LYRM9: variants seen among roughly 807,000 people sequenced by gnomAD.
LYRM9 encodes the protein LYR motif containing 9.
A neutral mutation model predicts 12.6 loss-of-function variants in LYRM9; 14 were observed. That is an observed-to-expected ratio of 1.11 (90% CI 0.73 to 1.73). The LOEUF (loss-of-function observed/expected upper bound fraction) is 1.73, where lower values mean the gene tolerates loss of function less well. LYRM9 is among the 40% of genes most tolerant of loss of function. The pLI, the probability that LYRM9 is intolerant of heterozygous loss-of-function variation, is 0.00. For synonymous variants in LYRM9, 42 were observed against 35.1 expected, an observed-to-expected ratio of 1.20 and a Z score of -0.69; for missense variants, 94 against 95.0, an observed-to-expected ratio of 0.99 and a Z score of 0.04.
At chr17:27,889,715 A>C (rs1046654797) in intron 1 of LYRM9, among the ~76,000 whole-genome samples, 45 of 152,244 alleles carry the variant, frequency 3.0e-4, no homozygotes, top group Middle Eastern at 3.4e-3. Flanking sequence ...AATTCAACAA[A>C]ATAAGAGCAC....
At chr17:27,887,891 T>C (rs1366810924) in intron 1 of LYRM9, among the ~76,000 whole-genome samples, 3 of 152,260 alleles carry the variant, frequency 2.0e-5, no homozygotes, top group South Asian at 4.2e-4. Context: ...CAGGAAGAGC[T>C]GATGTCCCAG....
At position 27,879,801 on chromosome 17, in the gene LYRM9, G is replaced by C. The variant is rs1904979063; in HGVS notation, c.220-311C>G. On this transcript the variant is annotated intron_variant, in intron 3 of 3. Transcript: ENST00000379102. Reference sequence around the variant, plus strand: ...AACTCTCTAGGTCCTTCTAATACCAGCATCTAAGGGCCAAGACGCCAGTCT... The same window carrying C: ...AACTCTCTAGGTCCTTCTAATACCACCATCTAAGGGCCAAGACGCCAGTCT... The C allele has an allele frequency of 1.7e-5, 9 of 541,112 alleles. No homozygotes were observed. In the South Asian group the frequency reaches 2.2e-4, roughly 13 times the overall value. 33.5% of individuals were successfully genotyped at this position (541,112 alleles called of 1,614,324 possible).
At chr17:27,879,666 C>G in intron 3 of LYRM9, 176 bp from the exon 4 acceptor site, 1 of 605,682 alleles carries the variant, frequency 1.7e-6, no homozygotes, top group Non-Finnish European at 2.9e-6. Context: ...CATGCCTGGA[C>G]TCCCTTTCTT....
rs529834519 is a variant in LYRM9 at position 27,886,155 on chromosome 17, C to T, written c.-18-3443G>A. Among the ~76,000 whole-genome samples, 6 of 152,126 alleles carry T rather than the reference C, an allele frequency of 3.9e-5. No individual in the cohort carries two copies. The highest frequency in any genetic ancestry group is 7.2e-5 in the African/African-American group (3 of 41,432). On this transcript the variant is annotated intron_variant, in intron 1 of 3. Coordinates refer to ENST00000379102, the MANE Select transcript of LYRM9 (RefSeq NM_001076680.3). This position sits in a 1 kb window ranked among gnomAD's most constrained non-coding sequence, Gnocchi z 4.8. ...ATCAAATATTGTAAAATGCTAGTCG[C>T]GGAACAGATGGTTACCATCTGCAGT...
At chr17:27,884,010 T>C (rs1905155293) in intron 1 of LYRM9, among the ~76,000 whole-genome samples, 1 of 152,056 alleles carries the variant, frequency 6.6e-6, no homozygotes, top group Admixed American at 6.5e-5. Flanking sequence ...CACCAAAATT[T>C]ACCGCATACC....
At position 27,878,880 on chromosome 17, in the gene LYRM9, G is replaced by C. The variant is rs1241675196; in HGVS notation, c.*593C>G. Reference sequence around the variant, plus strand: ...CTACAAGCAGGGACAGGGCAAGCTCGCAAACAAAAAACTGAGACCCGATGC... The same window carrying C: ...CTACAAGCAGGGACAGGGCAAGCTCCCAAACAAAAAACTGAGACCCGATGC... On this transcript the variant is annotated 3_prime_UTR_variant, in exon 4 of 4. Coordinates refer to ENST00000379102, the MANE Select transcript of LYRM9 (RefSeq NM_001076680.3). The C allele has an allele frequency of 6.5e-6, 1 of 152,736 alleles. No individual in the cohort carries two copies. The highest frequency in any genetic ancestry group is 1.5e-5 in the Non-Finnish European group (1 of 68,182). 9.5% of individuals were successfully genotyped at this position (152,736 alleles called of 1,614,324 possible).
At chr17:27,882,988 T>C (rs763868365) in intron 1 of LYRM9, 3 of 536,864 alleles carry the variant, frequency 5.6e-6, no homozygotes, top group Admixed American at 4.5e-5. Flanking sequence ...AAGTGGTGCA[T>C]GAGTAGGTGT....
At position 27,878,640 on chromosome 17, in the gene LYRM9, G is replaced by A. The variant is rs1480217540; in HGVS notation, c.*833C>T. On this transcript the variant is annotated 3_prime_UTR_variant, in exon 4 of 4. Transcript: ENST00000379102. ...AAGTGCCAGTGGAAAGAGACTGCAG[G>A]TGCACAGAGGCTTGGACAGGCCAGA... 6.6e-6 allele frequency: 1 copy of A among 152,266 alleles called. No homozygotes were observed. Among genetic ancestry groups the A allele is most frequent in the Non-Finnish European group, 1.5e-5 (1 of 68,098 alleles). The allele number at this position is 152,266 out of a possible 1,614,324, so 9.4% of individuals were successfully genotyped here. A position where few individuals can be genotyped will look rare whatever the true frequency, so the allele number is the denominator to read the frequency against.
At chr17:27,887,731 T>C (rs1015610231) in intron 1 of LYRM9, among the ~76,000 whole-genome samples, 2 of 151,236 alleles carry the variant, frequency 1.3e-5, no homozygotes, top group Admixed American at 6.6e-5. Context: ...TGTGTGTGTG[T>C]GTGTGTGTGT....
chr17:27,879,964 C>T (rs1233501187), intron 3 of LYRM9: 2 of 624,336 alleles, frequency 3.2e-6, no homozygotes, highest in African/African-American at 3.7e-5. Context: ...CACAGTGCCA[C>T]CGCCGGCTCT....
At chr17:27,892,577 C>A (rs892937522) in intron 1 of LYRM9, 2 of 349,198 alleles carry the variant, frequency 5.7e-6, no homozygotes, top group Admixed American at 4.1e-5. Context: ...TCCATTTATA[C>A]GAAACATCCA....
chr17:27,884,003 C>G (rs1905155124), intron 1 of LYRM9, among the ~76,000 whole-genome samples: 1 of 151,960 alleles, frequency 6.6e-6, no homozygotes, highest in Non-Finnish European at 1.5e-5. Context: ...CTATCATCAC[C>G]AAAATTTACC....
chr17:27,880,786 GCCC>G, intron 2 of LYRM9: 1 of 197,202 alleles, frequency 5.1e-6, no homozygotes, highest in South Asian at 1.0e-4. Context: ...ACTTCTCTCG[GCCC>G]AGTGCTAGGA....
chr17:27,888,368 G>T (rs1905305918), intron 1 of LYRM9, among the ~76,000 whole-genome samples: 1 of 152,128 alleles, frequency 6.6e-6, no homozygotes, highest in Non-Finnish European at 1.5e-5. Context: ...TTGCTGGAAG[G>T]GTATCCACCT....
rs1597593548 is a variant in LYRM9 at position 27,886,272 on chromosome 17, G to A, written c.-18-3560C>T. On this transcript the variant is annotated intron_variant, in intron 1 of 3. Transcript: ENST00000379102. The surrounding 1 kb of genome is among the most constrained non-coding windows in gnomAD (Gnocchi z 4.8). Reference sequence around the variant, plus strand: ...GTAACCAACCCAGCAAGTATGGGCGGCAGATTATTTTCAGCTCAATTATAA... The same window carrying A: ...GTAACCAACCCAGCAAGTATGGGCGACAGATTATTTTCAGCTCAATTATAA... Among the ~76,000 whole-genome samples, 4 of 152,318 alleles carry A rather than the reference G, an allele frequency of 2.6e-5. No individual in the cohort carries two copies. In the South Asian group the frequency reaches 8.3e-4, roughly 32 times the overall value.
In LYRM9 at chr17:27,886,671, CAG is replaced by C. The variant is rs1905244412; in HGVS notation, c.-18-3961_-18-3960del. Among the ~76,000 whole-genome samples, 1 of 141,490 alleles carries C rather than the reference CAG, an allele frequency of 7.1e-6. No individual in the cohort carries two copies. The highest frequency in any genetic ancestry group is 2.7e-5 in the African/African-American group (1 of 37,620). 92.8% of individuals were successfully genotyped at this position (141,490 alleles called of 152,430 possible). A position where few individuals can be genotyped will look rare whatever the true frequency, so the allele number is the denominator to read the frequency against. On this transcript the variant is annotated intron_variant, in intron 1 of 3. Transcript: ENST00000379102. This position sits in a 1 kb window ranked among gnomAD's most constrained non-coding sequence, Gnocchi z 4.8. Reference sequence around the variant, plus strand: ...TTTTTTTATTTTTTTTTTTTTGAGACAGAGTTTCGCTCTTGTTGCCCAGGCTG... The same window carrying C: ...TTTTTTTATTTTTTTTTTTTTGAGACAGTTTCGCTCTTGTTGCCCAGGCTG...
intron 1 of LYRM9, among the ~76,000 whole-genome samples, chr17:27,887,727 T>A (rs1012885301): frequency 7.1e-6 from 1 of 141,488 alleles, no homozygotes; most frequent in Non-Finnish European, 1.6e-5. Context: ...TGTGTGTGTG[T>A]GTGTGTGTGT....
At chr17:27,885,554 T>A (rs1364685158) in intron 1 of LYRM9, among the ~76,000 whole-genome samples, 1 of 151,408 alleles carries the variant, frequency 6.6e-6, no homozygotes, top group African/African-American at 2.4e-5. Flanking sequence ...CTACAAAAAA[T>A]AAAAAATTAA....
chr17:27,879,615 G>A (rs1904969369), intron 3 of LYRM9, 125 bp from the exon 4 acceptor site: 2 of 1,044,656 alleles, frequency 1.9e-6, no homozygotes, highest in South Asian at 3.2e-5. Context: ...TGGAGGTGGT[G>A]AAACCCAAGC....
Sources: allele counts gnomAD v4.1 joint callset (sites outside exome capture counted in the v4.1 genomes callset), GRCh38; gene constraint gnomAD v4.1.1; non-coding constraint Gnocchi (gnomAD v3.1); transcripts MANE v1.5; gene names NCBI Gene and HGNC (gene_info 2026-07-23, HGNC 2026-07-21).